Variants in ZNF391 observed in about 807,000 individuals in gnomAD.
ZNF391 encodes zinc finger protein 391.
For missense variants in ZNF391, 375 were observed against 425.5 expected (o/e 0.88, Z 1.04); for synonymous variants, 126 against 142.1 (o/e 0.89, Z 0.80).
chr6:27,388,714 C>A (rs1761625071), upstream of ZNF391: 1 of 330,336 alleles, frequency 3.0e-6, no homozygotes, highest in Admixed American at 4.9e-5. Context: ...GGCTCTCAGG[C>A]GCAAGCGCAG....
chr6:27,397,288 C>A (rs1761848727), intron 1 of ZNF391, among the ~76,000 whole-genome samples: 1 of 152,022 alleles, frequency 6.6e-6, no homozygotes, highest in African/African-American at 2.4e-5. Flanking sequence ...GAGGGGAGGT[C>A]CCAAACTTTT....
At chr6:27,391,372 A>AT (rs952882226) in intron 1 of ZNF391, among the ~76,000 whole-genome samples, 1 of 151,786 alleles carries the variant, frequency 6.6e-6, no homozygotes, top group Admixed American at 6.6e-5. Flanking sequence ...CGCCCAGCTA[A>AT]TTTTTTTGTA....
In ZNF391 at chr6:27,400,414, A is replaced by T; in HGVS notation, c.44A>T (p.Glu15Val). 1 of 1,613,588 alleles carries T rather than the reference A, an allele frequency of 6.2e-7. No individual in the cohort carries two copies. The highest frequency in any genetic ancestry group is 1.1e-5 in the South Asian group (1 of 91,026). ...RGNTAQGPTN[E>V]EDYKNEGQLS... Reference sequence around the variant, plus strand: ...AATACTGCTCAGGGTCCTACAAATGAAGAAGACTATAAAAACGAAGGCCAA... The same window carrying T: ...AATACTGCTCAGGGTCCTACAAATGTAGAAGACTATAAAAACGAAGGCCAA... Residue 15 changes from glutamate (E) to valine (V), a missense_variant, in exon 3 of 3, where the codon GAA becomes GTA. By Grantham distance (121) the Glu-to-Val change is moderately radical. Coordinates refer to ENST00000244576, the MANE Select transcript of ZNF391 (RefSeq NM_001076781.3).
intron 1 of ZNF391, among the ~76,000 whole-genome samples, chr6:27,383,198 C>T (rs1204493447): frequency 2.0e-5 from 3 of 150,680 alleles, no homozygotes; most frequent in African/African-American, 4.9e-5. Context: ...ACTGGGACAA[C>T]TACAAAAAGT....
chr6:27,392,403 G>A (rs997593601), intron 1 of ZNF391, among the ~76,000 whole-genome samples: 10 of 152,138 alleles, frequency 6.6e-5, no homozygotes, highest in East Asian at 1.9e-4. Flanking sequence ...CTACAGGTGT[G>A]TGCCACCATG....
chr6:27,378,622 T>C (rs1761452205), intron 1 of ZNF391, among the ~76,000 whole-genome samples: 2 of 152,154 alleles, frequency 1.3e-5, no homozygotes, highest in South Asian at 4.1e-4. Context: ...ATCACTTCTT[T>C]TGTGATTCTT....
At chr6:27,391,708 G>A (rs778393373) in intron 1 of ZNF391, among the ~76,000 whole-genome samples, 9 of 152,152 alleles carry the variant, frequency 5.9e-5, no homozygotes, top group Non-Finnish European at 8.8e-5. Flanking sequence ...ACCAACCAGA[G>A]ACACATTTAT....
upstream of ZNF391, chr6:27,388,691 C>A: frequency 3.0e-6 from 1 of 330,880 alleles, no homozygotes; most frequent in Non-Finnish European, 5.8e-6. Flanking sequence ...CCCAGCACAG[C>A]CCTGCTGTAG....
intron 1 of ZNF391, among the ~76,000 whole-genome samples, chr6:27,395,659 G>A (rs988960153): frequency 2.0e-5 from 3 of 152,018 alleles, no homozygotes; most frequent in African/African-American, 7.2e-5. Context: ...ATATTAATAA[G>A]CATGAGAGTG....
upstream of ZNF391, among the ~76,000 whole-genome samples, chr6:27,384,484 G>A (rs199584956): frequency 0.035 from 577 of 16,316 alleles, 3 homozygotes; most frequent in Middle Eastern, 0.19. Context: ...AAAAAAAAAA[G>A]AGAGAGAGAG....
chr6:27,389,492 T>C, intron 1 of ZNF391: 1 of 440,914 alleles, frequency 2.3e-6, no homozygotes, highest in Non-Finnish European at 4.5e-6. Context: ...ATGTTACAGA[T>C]AAGGAAATTG....
rs1008499022 is a variant in ZNF391 at position 27,376,506 on chromosome 6, C to A, written n.523+1369C>A. Reference sequence around the variant, plus strand: ...CACTGTGGTATTTTTTGGATTGGGACGTATGTGTGTATGTGCTCTCTAACT... The same window carrying A: ...CACTGTGGTATTTTTTGGATTGGGAAGTATGTGTGTATGTGCTCTCTAACT... On this transcript the variant is annotated intron_variant and non_coding_transcript_variant, in intron 1 of 2. Coordinates refer to the ZNF391 transcript ENST00000477999. The surrounding 1 kb of genome is among the most constrained non-coding windows in gnomAD (Gnocchi z 4.7). Among the ~76,000 whole-genome samples, 3 of 151,474 alleles carry A rather than the reference C, an allele frequency of 2.0e-5. No individual in the cohort carries two copies. Among genetic ancestry groups the A allele is most frequent in the Non-Finnish European group, 4.4e-5 (3 of 67,986 alleles).
intron 1 of ZNF391, 168 bp downstream of exon 1, chr6:27,389,243 G>A: frequency 2.2e-6 from 1 of 456,542 alleles, no homozygotes; most frequent in Non-Finnish European, 4.4e-6. Flanking sequence ...TCACTGGCGG[G>A]CCAGCCTAGT....
At chr6:27,385,449 TATACC>T (rs1387624132), upstream of ZNF391, among the ~76,000 whole-genome samples, 1 of 152,156 alleles carries the variant, frequency 6.6e-6, no homozygotes. Context: ...TCAATAAAGT[TATACC>T]ATACTAACAC....
intron 1 of ZNF391, chr6:27,395,040 C>T (rs934345582): frequency 1.3e-5 from 2 of 152,134 alleles, no homozygotes; most frequent in Non-Finnish European, 2.9e-5. Flanking sequence ...AGAAATTCAT[C>T]TCCAGATGAG....
At position 27,401,738 on chromosome 6, in the gene ZNF391, A is replaced by G; in HGVS notation, c.*291A>G. On this transcript the variant is annotated 3_prime_UTR_variant, in exon 3 of 3. Transcript: ENST00000244576. Reference sequence around the variant, plus strand: ...AGGGATGACTCAAAAAACATAACATATGAAATCTAATATTCTGAAGGGCTC... The same window carrying G: ...AGGGATGACTCAAAAAACATAACATGTGAAATCTAATATTCTGAAGGGCTC... 2 of 244,486 alleles carry G rather than the reference A, an allele frequency of 8.2e-6. No individual in the cohort carries two copies. Among genetic ancestry groups the G allele is most frequent in the Admixed American group, 4.9e-5 (1 of 20,412 alleles). The allele number at this position is 244,486 out of a possible 1,614,324, so 15.1% of individuals were successfully genotyped here. A position where few individuals can be genotyped will look rare whatever the true frequency, so the allele number is the denominator to read the frequency against.
At chr6:27,393,017 C>G (rs1192122472) in intron 1 of ZNF391, among the ~76,000 whole-genome samples, 1 of 152,108 alleles carries the variant, frequency 6.6e-6, no homozygotes, top group African/African-American at 2.4e-5. Context: ...TTCACAAGTT[C>G]TTTTTTCATT....
At chr6:27,383,429 G>T (rs1287893601) in intron 1 of ZNF391, among the ~76,000 whole-genome samples, 1 of 152,126 alleles carries the variant, frequency 6.6e-6, no homozygotes, top group Non-Finnish European at 1.5e-5. Context: ...TAGTGGCTTG[G>T]TCAATTTGAG....
At chr6:27,382,144 C>T (rs1761519786) in intron 1 of ZNF391, among the ~76,000 whole-genome samples, 1 of 151,984 alleles carries the variant, frequency 6.6e-6, no homozygotes, top group Non-Finnish European at 1.5e-5. Flanking sequence ...GGAACCTGGC[C>T]AACATGGTGA....
Sources: allele counts gnomAD v4.1 joint callset (sites outside exome capture counted in the v4.1 genomes callset), GRCh38; gene constraint gnomAD v4.1.1; non-coding constraint Gnocchi (gnomAD v3.1); transcripts MANE v1.5; gene names NCBI Gene and HGNC (gene_info 2026-07-23, HGNC 2026-07-21).